RNF169: variants seen among roughly 807,000 people sequenced by gnomAD.
RNF169 encodes E3 ubiquitin-protein ligase RNF169.
A neutral mutation model predicts 53.9 loss-of-function variants in RNF169; 24 were observed. The observed-to-expected ratio is 0.45, with a 90% CI of 0.32 to 0.63. RNF169 has a LOEUF of 0.63. Among genes scored for constraint, RNF169 ranks in the 20% least tolerant of loss-of-function variants. The pLI is 0.04. For missense variants in RNF169, 883 were observed against 906.2 expected (o/e 0.97, Z 0.33); for synonymous variants, 396 against 363.5 (o/e 1.09, Z -1.02).
chr11:74,769,487 T>G (rs1222868887), intron 1 of RNF169, among the ~76,000 whole-genome samples: 3 of 152,190 alleles, frequency 2.0e-5, no homozygotes, highest in Middle Eastern at 3.2e-3. Context: ...AATAGGTGTG[T>G]GCCATAGTGA....
At chr11:74,812,459 C>A (rs988255675) in intron 3 of RNF169, among the ~76,000 whole-genome samples, 1 of 151,934 alleles carries the variant, frequency 6.6e-6, no homozygotes, top group African/African-American at 2.4e-5. Flanking sequence ...CATGGCTGGT[C>A]AATTTTTATT....
chr11:74,759,997 T>C (rs1216683987), intron 1 of RNF169, among the ~76,000 whole-genome samples: 2 of 151,306 alleles, frequency 1.3e-5, no homozygotes, highest in Non-Finnish European at 2.9e-5. Context: ...CTCCTGTTAT[T>C]GGTCTATTCA....
intron 2 of RNF169, among the ~76,000 whole-genome samples, chr11:74,802,490 A>C (rs1252348430): frequency 6.6e-6 from 1 of 152,162 alleles, no homozygotes; most frequent in Non-Finnish European, 1.5e-5. Context: ...TAAAAATACA[A>C]AAATTAGCCA....
chr11:74,783,427 TA>T, intron 1 of RNF169, among the ~76,000 whole-genome samples: 1 of 152,302 alleles, frequency 6.6e-6, no homozygotes, highest in East Asian at 1.9e-4. Context: ...TCCTGTTAAG[TA>T]TAGTAATAGT....
chr11:74,833,952 C>A (rs1184934473), intron 4 of RNF169, among the ~76,000 whole-genome samples: 1 of 152,040 alleles, frequency 6.6e-6, no homozygotes, highest in East Asian at 1.9e-4. Context: ...GACCAAAGAC[C>A]TAAACTTAAG....
At chr11:74,806,036 C>T (rs946890097) in intron 2 of RNF169, among the ~76,000 whole-genome samples, 2 of 151,906 alleles carry the variant, frequency 1.3e-5, no homozygotes, top group Non-Finnish European at 2.9e-5. Flanking sequence ...TATATATATA[C>T]ACACACACGT....
intron 3 of RNF169, among the ~76,000 whole-genome samples, chr11:74,811,184 A>G (rs2035870541): frequency 1.3e-5 from 2 of 152,024 alleles, no homozygotes. Context: ...AGGTCCCAGC[A>G]TTGTAACTGT....
At chr11:74,786,429 G>C (rs976190424) in intron 1 of RNF169, among the ~76,000 whole-genome samples, 1 of 150,182 alleles carries the variant, frequency 6.7e-6, no homozygotes, top group Non-Finnish European at 1.5e-5. Context: ...TTTAATTTTT[G>C]TTTGTTTGTT....
At chr11:74,782,169 G>C (rs911277597) in intron 1 of RNF169, among the ~76,000 whole-genome samples, 25 of 152,316 alleles carry the variant, frequency 1.6e-4, no homozygotes, top group Admixed American at 1.6e-3. Context: ...GTTAAGTGTG[G>C]AAAGTGAGGG....
At chr11:74,822,352 C>G (rs572628809) in intron 4 of RNF169, among the ~76,000 whole-genome samples, 3 of 152,238 alleles carry the variant, frequency 2.0e-5, no homozygotes, top group Admixed American at 1.3e-4. Flanking sequence ...CCCTGCTTTC[C>G]TTTGTTTGTA....
At chr11:74,756,082 A>C (rs1018961082) in intron 1 of RNF169, among the ~76,000 whole-genome samples, 9 of 152,172 alleles carry the variant, frequency 5.9e-5, no homozygotes, top group African/African-American at 2.2e-4. Flanking sequence ...GCCTGGACTA[A>C]AGCATTGGCT....
chr11:74,776,515 A>G (rs76334528), intron 1 of RNF169, among the ~76,000 whole-genome samples: 11 of 150,638 alleles, frequency 7.3e-5, no homozygotes, highest in Non-Finnish European at 1.3e-4. Flanking sequence ...TTCAGCCAAA[A>G]AAAAAAAAAA....
At position 74,840,418 on chromosome 11, in the gene RNF169, C is replaced by T. The variant is rs1190671214; in HGVS notation, c.*3688C>T. The T allele has an allele frequency of 6.6e-6, 1 of 152,190 alleles. No individual in the cohort carries two copies. Among genetic ancestry groups the T allele is most frequent in the Non-Finnish European group, 1.5e-5 (1 of 68,038 alleles). 9.4% of individuals were successfully genotyped at this position (152,190 alleles called of 1,614,324 possible). A position where few individuals can be genotyped will look rare whatever the true frequency, so the allele number is the denominator to read the frequency against. On this transcript the variant is annotated 3_prime_UTR_variant, in exon 6 of 6. Transcript: ENST00000299563. Reference sequence around the variant, plus strand: ...GAATTTGATTGCACCACCGCTTTTCCTTTACTAAGTAATGTTATGGAAGGA... The same window carrying T: ...GAATTTGATTGCACCACCGCTTTTCTTTTACTAAGTAATGTTATGGAAGGA...
At position 74,837,575 on chromosome 11, in the gene RNF169, CAT is replaced by C. The variant is rs769606274; in HGVS notation, c.*850_*851del. The C allele has an allele frequency of 1.3e-5, 2 of 152,224 alleles. No homozygotes were observed. Among genetic ancestry groups the C allele is most frequent in the Non-Finnish European group, 2.9e-5 (2 of 68,040 alleles). 9.4% of individuals were successfully genotyped at this position (152,224 alleles called of 1,614,324 possible). ...AAACAAGATCGACAGGGTGGATAAA[CAT>C]ATATGTGCATTATCCCCATCCCCCA... On this transcript the variant is annotated 3_prime_UTR_variant, in exon 6 of 6. Coordinates refer to ENST00000299563, the MANE Select transcript of RNF169 (RefSeq NM_001098638.2).
chr11:74,758,747 G>A (rs879872917), intron 1 of RNF169, among the ~76,000 whole-genome samples: 2 of 152,024 alleles, frequency 1.3e-5, no homozygotes, highest in African/African-American at 2.4e-5. Flanking sequence ...CTCGTGATCC[G>A]CCCACCTTGG....
chr11:74,815,044 C>CT (rs999348083), intron 3 of RNF169, among the ~76,000 whole-genome samples: 26 of 151,728 alleles, frequency 1.7e-4, no homozygotes, highest in African/African-American at 5.8e-4. Context: ...CTTTCTTTTC[C>CT]TTTTTTTTAG....
At chr11:74,772,698 T>G (rs1319924749) in intron 1 of RNF169, among the ~76,000 whole-genome samples, 1 of 152,186 alleles carries the variant, frequency 6.6e-6, no homozygotes, top group Non-Finnish European at 1.5e-5. Context: ...AAAGGATTGT[T>G]GTAAGGTTTA....
intron 1 of RNF169, among the ~76,000 whole-genome samples, chr11:74,777,403 G>A (rs1020618287): frequency 5.9e-5 from 9 of 152,136 alleles, no homozygotes; most frequent in African/African-American, 1.9e-4. Flanking sequence ...CATGGGCTTG[G>A]TCTGCCTAGG....
intron 4 of RNF169, among the ~76,000 whole-genome samples, chr11:74,827,815 T>C (rs569036028): frequency 2.0e-5 from 3 of 152,292 alleles, no homozygotes; most frequent in South Asian, 2.1e-4. Flanking sequence ...AAACTAGATA[T>C]TGAAGGAACA....
Sources: allele counts gnomAD v4.1 joint callset (sites outside exome capture counted in the v4.1 genomes callset), GRCh38; gene constraint gnomAD v4.1.1; transcripts MANE v1.5; gene names NCBI Gene and HGNC (gene_info 2026-07-23, HGNC 2026-07-21).